Variants in SLC20A2 observed in about 807,000 individuals in gnomAD.
The protein encoded by SLC20A2 is sodium-dependent phosphate transporter 2.
SLC20A2 carries 30 observed loss-of-function variants against 61.0 expected under a neutral mutation model. That is an observed-to-expected ratio of 0.49 (90% confidence interval 0.37 to 0.67). SLC20A2 has a LOEUF of 0.67. Among genes scored for constraint, SLC20A2 ranks in the 30% least tolerant of loss-of-function variants. The pLI, the probability that SLC20A2 is intolerant of heterozygous loss-of-function variation, is 0.00. For missense variants in SLC20A2, 626 were observed against 866.4 expected, an observed-to-expected ratio of 0.72 and a Z score of 3.48; for synonymous variants, 351 against 353.3, an observed-to-expected ratio of 0.99 and a Z score of 0.07.
At chr8:42,487,176 C>CTTTTTTT (rs553949254) in intron 1 of SLC20A2, among the ~76,000 whole-genome samples, 1 of 98,084 alleles carries the variant, frequency 1.0e-5, no homozygotes, top group Non-Finnish European at 2.0e-5. Flanking sequence ...TGGTTTCTTT[C>CTTTTTTT]TTTTTTTTTT....
intron 1 of SLC20A2, among the ~76,000 whole-genome samples, chr8:42,482,754 G>A (rs567299091): frequency 4.0e-4 from 61 of 152,046 alleles, no homozygotes; most frequent in Non-Finnish European, 6.9e-4. Flanking sequence ...GGCTGGGCAC[G>A]ATGGCTTATG....
At chr8:42,447,964 C>T (rs1338270424) in intron 5 of SLC20A2, among the ~76,000 whole-genome samples, 1 of 152,202 alleles carries the variant, frequency 6.6e-6, no homozygotes, top group Non-Finnish European at 1.5e-5. Context: ...AGCTGAGAGC[C>T]GCTTGTGCGA....
intron 1 of SLC20A2, among the ~76,000 whole-genome samples, chr8:42,533,316 A>T (rs534108111): frequency 8.5e-5 from 13 of 152,204 alleles, no homozygotes; most frequent in East Asian, 3.9e-4. Context: ...ACTACTTATT[A>T]AAAAAATGTG....
At chr8:42,460,813 T>G (rs765674705) in intron 4 of SLC20A2, among the ~76,000 whole-genome samples, 1 of 152,180 alleles carries the variant, frequency 6.6e-6, no homozygotes, top group African/African-American at 2.4e-5. Flanking sequence ...CTCCCATCAA[T>G]GTAACACTGG....
intron 6 of SLC20A2, among the ~76,000 whole-genome samples, chr8:42,441,640 TGTATTTTTA>T (rs1804791771): frequency 6.7e-6 from 1 of 149,638 alleles, no homozygotes; most frequent in Admixed American, 6.7e-5. Context: ...AGCTAATTTT[TGTATTTTTA>T]GTAGAGATGG....
At chr8:42,540,217 G>A (rs886436215) in intron 1 of SLC20A2, among the ~76,000 whole-genome samples, 9 of 152,180 alleles carry the variant, frequency 5.9e-5, no homozygotes, top group Admixed American at 6.5e-5. Flanking sequence ...GCTTGAACCC[G>A]GGAGGCGGAG....
At chr8:42,469,811 C>G (rs1449369952) in intron 2 of SLC20A2, among the ~76,000 whole-genome samples, 1 of 151,754 alleles carries the variant, frequency 6.6e-6, no homozygotes, top group Non-Finnish European at 1.5e-5. Flanking sequence ...GCCTGTAATC[C>G]CAGCTACTTA....
At chr8:42,462,351 CA>C (rs1240621229) in intron 4 of SLC20A2, among the ~76,000 whole-genome samples, 4 of 152,150 alleles carry the variant, frequency 2.6e-5, no homozygotes, top group African/African-American at 9.7e-5. Flanking sequence ...CGCCAGCTTC[CA>C]AGCAAGGTAC....
At position 42,430,048 on chromosome 8, in the gene SLC20A2, A is replaced by G; in HGVS notation, c.1709+16T>C. The G allele has an allele frequency of 6.3e-7, 1 of 1,595,198 alleles. No homozygotes were observed. The highest frequency in any genetic ancestry group is 1.1e-5 in the South Asian group (1 of 88,558). ...ATGACAAGACCTGCCCTGCTCGTCC[A>G]CCAGCCCAGGCTTACCTGGACGGCG... On this transcript the variant is annotated intron_variant, in intron 9 of 10. Transcript: ENST00000520262.
chr8:42,487,176 C>CTTT (rs553949254), intron 1 of SLC20A2, among the ~76,000 whole-genome samples: 5 of 98,078 alleles, frequency 5.1e-5, no homozygotes, highest in South Asian at 3.5e-4. Context: ...TGGTTTCTTT[C>CTTT]TTTTTTTTTT....
intron 1 of SLC20A2, chr8:42,538,270 T>C (rs1238355196): frequency 6.7e-6 from 1 of 148,482 alleles, no homozygotes; most frequent in Non-Finnish European, 1.5e-5. Flanking sequence ...TTATATATTA[T>C]AGGTATTATA....
At chr8:42,480,184 A>G (rs1808451815) in intron 1 of SLC20A2, among the ~76,000 whole-genome samples, 1 of 152,240 alleles carries the variant, frequency 6.6e-6, no homozygotes, top group South Asian at 2.1e-4. Context: ...TAGGTGAAAC[A>G]TGGGAACACA....
intron 8 of SLC20A2, among the ~76,000 whole-genome samples, chr8:42,435,334 G>A (rs1419047312): frequency 6.6e-6 from 1 of 152,116 alleles, no homozygotes; most frequent in Admixed American, 6.5e-5. Flanking sequence ...GACGACAACG[G>A]CACAGTCCCC....
At position 42,474,128 on chromosome 8, in the gene SLC20A2, G is replaced by A. The variant is rs371333889; in HGVS notation, c.-264-1474C>T. On this transcript the variant is annotated intron_variant, in intron 1 of 10. Coordinates refer to ENST00000520262, the MANE Select transcript of SLC20A2 (RefSeq NM_001257180.2). ...AGAGGTTGCAGTGAGCCAAGATCAT[G>A]CCACTGCACTCCAGCCTGGGCGACA... 7.2e-5 allele frequency among the ~76,000 whole-genome samples: 11 copies of A among 152,016 alleles called. No homozygotes were observed. The East Asian group carries it at 1.2e-3, about 16-fold the overall frequency.
At chr8:42,443,351 G>A (rs1464440074) in intron 6 of SLC20A2, among the ~76,000 whole-genome samples, 3 of 138,940 alleles carry the variant, frequency 2.2e-5, no homozygotes, top group South Asian at 2.3e-4. Context: ...GTCTCGCTCC[G>A]TCACCCAGGC....
chr8:42,464,090 A>ATTTTTTTTTTTTTT (rs1563488008), intron 3 of SLC20A2, among the ~76,000 whole-genome samples: 3 of 19,994 alleles, frequency 1.5e-4, no homozygotes, highest in African/African-American at 2.2e-4. Flanking sequence ...AGGCTGGATG[A>ATTTTTTTTTTTTTT]TCTTTTTTTT....
At chr8:42,428,980 A>T in intron 9 of SLC20A2, 138 bp from the exon 10 acceptor site, 1 of 631,424 alleles carries the variant, frequency 1.6e-6, no homozygotes, top group Non-Finnish European at 2.6e-6. Context: ...TTTTAACAGA[A>T]CAAGAGGCCG....
intron 5 of SLC20A2, among the ~76,000 whole-genome samples, chr8:42,446,114 C>T (rs1805193177): frequency 6.6e-6 from 1 of 152,168 alleles, no homozygotes. Context: ...AGCCACCTGG[C>T]CCAAGGAATA....
Position 42,437,816 on chromosome 8 carries a change from A to T in SLC20A2, c.935-239T>A, listed in dbSNP as rs1804418106. Among the ~76,000 whole-genome samples, 1 of 151,714 alleles carries T rather than the reference A, an allele frequency of 6.6e-6. No individual in the cohort carries two copies. ...TTTTTAGTAGAGATGGGGTTTCACC[A>T]TGTTGGCCAGGATGGTCTCAAGCTC... On this transcript the variant is annotated intron_variant, in intron 7 of 10. Transcript: ENST00000520262. This position sits in a 1 kb window ranked among gnomAD's most constrained non-coding sequence, Gnocchi z 6.4.
Sources: allele counts gnomAD v4.1 joint callset (sites outside exome capture counted in the v4.1 genomes callset), GRCh38; gene constraint gnomAD v4.1.1; non-coding constraint Gnocchi (gnomAD v3.1); transcripts MANE v1.5; gene names NCBI Gene and HGNC (gene_info 2026-07-23, HGNC 2026-07-21).